Variants in COL13A1 observed in about 807,000 individuals in gnomAD.
COL13A1 encodes the protein collagen type XIII alpha 1 chain.
Under a neutral mutation model 130.9 loss-of-function variants are expected in COL13A1, and 89 were observed. The observed-to-expected ratio is 0.68, with a 90% CI of 0.57 to 0.81. COL13A1 has a LOEUF of 0.81. Ranked by LOEUF, COL13A1 falls within the 30% of genes least tolerant of loss-of-function variation. The pLI is 0.00. For missense variants in COL13A1, 879 were observed against 934.6 expected, an observed-to-expected ratio of 0.94 and a Z score of 0.78; for synonymous variants, 402 against 341.6, an observed-to-expected ratio of 1.18 and a Z score of -1.95.
intron 31 of COL13A1, among the ~76,000 whole-genome samples, chr10:69,934,536 G>A (rs1416543070): frequency 1.3e-5 from 2 of 152,224 alleles, no homozygotes; most frequent in African/African-American, 2.4e-5. Flanking sequence ...CTGGGAAGAC[G>A]AGGCACCTGA....
At chr10:69,845,246 G>C (rs1218862688) in intron 2 of COL13A1, among the ~76,000 whole-genome samples, 1 of 148,676 alleles carries the variant, frequency 6.7e-6, no homozygotes, top group Non-Finnish European at 1.5e-5. Context: ...AGGCTGGAGT[G>C]CAGTGGCGTG....
intron 2 of COL13A1, among the ~76,000 whole-genome samples, chr10:69,848,917 G>A (rs1853910769): frequency 6.6e-6 from 1 of 152,176 alleles, no homozygotes; most frequent in Non-Finnish European, 1.5e-5. Context: ...CCTACAGCCT[G>A]CCTTTGCTTC....
chr10:69,950,842 T>C (rs1455587185), intron 38 of COL13A1, among the ~76,000 whole-genome samples: 1 of 152,092 alleles, frequency 6.6e-6, no homozygotes, highest in Non-Finnish European at 1.5e-5. Context: ...ATCAAAAATA[T>C]TATTTTGTTT....
intron 10 of COL13A1, among the ~76,000 whole-genome samples, chr10:69,894,056 T>C (rs920111000): frequency 6.6e-6 from 1 of 152,254 alleles, no homozygotes; most frequent in Non-Finnish European, 1.5e-5. Flanking sequence ...ATGGCTTCAG[T>C]TGCCAACTTC....
chr10:69,819,505 T>C (rs114988697), intron 1 of COL13A1, among the ~76,000 whole-genome samples: 1 of 152,134 alleles, frequency 6.6e-6, no homozygotes, highest in Non-Finnish European at 1.5e-5. Flanking sequence ...GCTCCGTAGC[T>C]GGGGTGGCCC....
At position 69,807,121 on chromosome 10, in the gene COL13A1, C is replaced by T. The variant is rs190986210; in HGVS notation, c.294+4404C>T. Among the ~76,000 whole-genome samples the T allele has an allele frequency of 4.2e-3, 639 of 152,332 alleles. 4 individuals carry two copies. The highest frequency in any genetic ancestry group is 7.4e-3 in the Non-Finnish European group (502 of 68,022). ...GTTTTGAGAGATGCCAGGTAGACTC[C>T]CTAACCCCAGTAATAACATCAGAAA... On this transcript the variant is annotated intron_variant, in intron 1 of 40. Transcript: ENST00000645393.
chr10:69,819,411 AG>A (rs201812116), intron 1 of COL13A1, among the ~76,000 whole-genome samples: 2,461 of 152,174 alleles, frequency 0.016, 57 homozygotes, highest in African/African-American at 0.015. Context: ...TCAACATAGG[AG>A]GGGGAGTGAG....
intron 17 of COL13A1, among the ~76,000 whole-genome samples, chr10:69,913,908 G>C (rs543821362): frequency 2.0e-5 from 3 of 152,084 alleles, no homozygotes; most frequent in Non-Finnish European, 2.9e-5. Flanking sequence ...AAGGAAGCCC[G>C]GGTCACTTGC....
intron 2 of COL13A1, among the ~76,000 whole-genome samples, chr10:69,842,143 G>A (rs969392325): frequency 2.0e-5 from 3 of 152,172 alleles, no homozygotes; most frequent in African/African-American, 7.2e-5. Flanking sequence ...GGAGATGATT[G>A]ACTCATGGGG....
chr10:69,912,384 AAG>A (rs1234414624), intron 17 of COL13A1, among the ~76,000 whole-genome samples: 1 of 152,182 alleles, frequency 6.6e-6, no homozygotes, highest in East Asian at 1.9e-4. Context: ...TCTGGTGTGG[AAG>A]ATGGCTGTAG....
chr10:69,822,483 G>A, intron 2 of COL13A1, 45 bp downstream of exon 2: 2 of 1,435,180 alleles, frequency 1.4e-6, no homozygotes, highest in Non-Finnish European at 1.9e-6. Context: ...TCCTAAGACT[G>A]AGACCAGAGG....
chr10:69,823,586 C>T (rs1420176095), intron 2 of COL13A1, among the ~76,000 whole-genome samples: 4 of 152,184 alleles, frequency 2.6e-5, no homozygotes, highest in African/African-American at 9.7e-5. Context: ...CACCCAGGTC[C>T]CCAAGCCAGG....
At chr10:69,930,150 C>T (rs998715165) in intron 29 of COL13A1, 63 bp downstream of exon 29, 8 of 1,542,952 alleles carry the variant, frequency 5.2e-6, no homozygotes, top group Non-Finnish European at 7.1e-6. Context: ...GGCAGGAGGT[C>T]GGGCAGGAAG....
intron 3 of COL13A1, 104 bp downstream of exon 3, chr10:69,867,909 G>T: frequency 1.4e-6 from 1 of 706,070 alleles, no homozygotes; most frequent in Admixed American, 2.1e-5. Context: ...CTGCTGTCTT[G>T]TTGGGGGCCT....
intron 2 of COL13A1, among the ~76,000 whole-genome samples, chr10:69,851,427 C>T (rs962308278): frequency 1.4e-4 from 22 of 152,202 alleles, no homozygotes; most frequent in African/African-American, 5.3e-4. Context: ...CCCTGCCTTC[C>T]TTTCCTGCTT....
At chr10:69,806,804 C>T (rs1841705657) in intron 1 of COL13A1, among the ~76,000 whole-genome samples, 1 of 152,172 alleles carries the variant, frequency 6.6e-6, no homozygotes, top group South Asian at 2.1e-4. Flanking sequence ...GTCAGGAATT[C>T]AAGACCAGCC....
Position 69,947,160 on chromosome 10 carries a change from T to C in COL13A1, c.2023-147T>C, listed in dbSNP as rs953000861. 4.3e-5 allele frequency: 31 copies of C among 717,320 alleles called. No individual in the cohort carries two copies. The African/African-American group carries it at 5.4e-4, about 12-fold the overall frequency. The allele number at this position is 717,320 out of a possible 1,614,324, so 44.4% of individuals were successfully genotyped here. A position where few individuals can be genotyped will look rare whatever the true frequency, so the allele number is the denominator to read the frequency against. ...TCAGGTTTTCTTAGCGATTTGCTTC[T>C]CTGTCCCCTTTCCGTGTAGTGGGAA... On this transcript the variant is annotated intron_variant, in intron 37 of 40. Coordinates refer to ENST00000645393, the MANE Select transcript of COL13A1 (RefSeq NM_001368882.1).
chr10:69,860,090 C>G (rs943540184), intron 2 of COL13A1, among the ~76,000 whole-genome samples: 3 of 152,306 alleles, frequency 2.0e-5, no homozygotes, highest in Admixed American at 6.5e-5. Flanking sequence ...GGGGTCTGTA[C>G]CTGGTGGGCA....
intron 1 of COL13A1, among the ~76,000 whole-genome samples, chr10:69,821,204 C>T (rs1339508808): frequency 6.6e-6 from 1 of 152,206 alleles, no homozygotes; most frequent in African/African-American, 2.4e-5. Flanking sequence ...CAGATTTGCA[C>T]ATGAAACCAC....
Sources: allele counts gnomAD v4.1 joint callset (sites outside exome capture counted in the v4.1 genomes callset), GRCh38; gene constraint gnomAD v4.1.1; transcripts MANE v1.5; gene names NCBI Gene and HGNC (gene_info 2026-07-23, HGNC 2026-07-21).